MOK: variants seen among roughly 807,000 people sequenced by gnomAD.
MOK encodes the protein MAPK/MAK/MRK overlapping kinase.
MOK carries 59 observed loss-of-function variants against 54.2 expected under a neutral mutation model. The ratio of observed to expected loss-of-function variants is 1.09; its 90% CI spans 0.88 to 1.35. The LOEUF is 1.35. Ranked by LOEUF, MOK falls within the 40% of genes most tolerant of loss-of-function variation. MOK has a pLI of 0.00. For missense variants in MOK, 517 were observed against 526.2 expected (o/e 0.98, Z 0.17); for synonymous variants, 210 against 202.7 (o/e 1.04, Z -0.31).
At chr14:102,229,424 G>A in intron 11 of MOK, 33 bp downstream of exon 11, 1 of 1,614,100 alleles carries the variant, frequency 6.2e-7, no homozygotes, top group Non-Finnish European at 8.5e-7. Flanking sequence ...GGGTCGAAGA[G>A]CAGCGCCGTC....
chr14:102,297,198 G>A (rs1402086501), intron 1 of MOK, among the ~76,000 whole-genome samples: 2 of 151,378 alleles, frequency 1.3e-5, no homozygotes, highest in Non-Finnish European at 2.9e-5. Flanking sequence ...TCTACTAAAA[G>A]TATAAAAAAA....
At position 102,245,672 on chromosome 14, in the gene MOK, C is replaced by G. The variant is rs1461098394; in HGVS notation, c.590+5140G>C. The stretch of plus-strand genomic sequence containing the variant: ...ACCCCTATCTCCCTTCGATGATTCT[C>G]TTTTCGGACTCAGCCCGCCTGCACC... On this transcript the variant is annotated intron_variant, in intron 7 of 11. Transcript: ENST00000361847. The surrounding 1 kb of genome is among the most constrained non-coding windows in gnomAD (Gnocchi z 4.3). Among the ~76,000 whole-genome samples, 1 of 152,134 alleles carries G rather than the reference C, an allele frequency of 6.6e-6. No individual in the cohort carries two copies. The highest frequency in any genetic ancestry group is 1.5e-5 in the Non-Finnish European group (1 of 68,028).
intron 2 of MOK, among the ~76,000 whole-genome samples, chr14:102,275,959 A>G (rs1283862084): frequency 6.6e-6 from 1 of 152,220 alleles, no homozygotes; most frequent in South Asian, 2.1e-4. Flanking sequence ...TAAGGTCTAA[A>G]TTTTTAAAGG....
At position 102,231,687 on chromosome 14, in the gene MOK, G is replaced by A; in HGVS notation, c.981+20C>T. 1.2e-6 allele frequency: 2 copies of A among 1,602,894 alleles called. No homozygotes were observed. The highest frequency in any genetic ancestry group is 2.2e-5 in the East Asian group (1 of 44,666). Reference sequence around the variant, plus strand: ...TCCCGGCTGAGCTAGGCAGTCTCCGGCTCCGATTTCGCTTAGTACCTGCTT... The same window carrying A: ...TCCCGGCTGAGCTAGGCAGTCTCCGACTCCGATTTCGCTTAGTACCTGCTT... On this transcript the variant is annotated intron_variant, in intron 10 of 11. Transcript: ENST00000361847. The surrounding 1 kb of genome is among the most constrained non-coding windows in gnomAD (Gnocchi z 4.4).
intron 3 of MOK, among the ~76,000 whole-genome samples, chr14:102,264,819 T>C (rs1360725178): frequency 2.0e-5 from 3 of 152,224 alleles, no homozygotes; most frequent in African/African-American, 4.8e-5. Context: ...TGGCCGATCT[T>C]ACAGGCCAGG....
chr14:102,292,945 C>A (rs1324322979), intron 1 of MOK, among the ~76,000 whole-genome samples: 1 of 151,980 alleles, frequency 6.6e-6, no homozygotes, highest in Non-Finnish European at 1.5e-5. Flanking sequence ...ACCAGCCTGG[C>A]CAACATAATG....
chr14:102,232,429 A>C lies in MOK; in HGVS notation c.866+106T>G, dbSNP rs1486701981. ...CTTCAGGATAGAGAGCGCGATTCCC[A>C]AGAACCAGGGACCCTCCAGGGGGCA... On this transcript the variant is annotated intron_variant, in intron 9 of 11. Coordinates refer to ENST00000361847, the MANE Select transcript of MOK (RefSeq NM_014226.3). The surrounding 1 kb of genome is among the most constrained non-coding windows in gnomAD (Gnocchi z 5.1). 2 of 1,359,098 alleles carry C rather than the reference A, an allele frequency of 1.5e-6. No homozygotes were observed. Among genetic ancestry groups the C allele is most frequent in the Admixed American group, 2.3e-5 (1 of 44,370 alleles). The allele number at this position is 1,359,098 out of a possible 1,614,324, so 84.2% of individuals were successfully genotyped here. A position where few individuals can be genotyped will look rare whatever the true frequency, so the allele number is the denominator to read the frequency against.
chr14:102,224,098 G>A (rs181053931), downstream of MOK, among the ~76,000 whole-genome samples: 21 of 145,144 alleles, frequency 1.4e-4, no homozygotes, highest in East Asian at 3.8e-3. Context: ...CTGGAGTGCA[G>A]TGGCGCAATC....
chr14:102,274,242 C>A (rs1384294479), intron 2 of MOK, among the ~76,000 whole-genome samples: 1 of 148,332 alleles, frequency 6.7e-6, no homozygotes, highest in Non-Finnish European at 1.5e-5. Context: ...CAGGTGTGAG[C>A]CACCGTACCT....
intron 1 of MOK, among the ~76,000 whole-genome samples, chr14:102,296,472 T>C (rs1414637646): frequency 1.3e-5 from 2 of 152,126 alleles, no homozygotes; most frequent in African/African-American, 4.8e-5. Flanking sequence ...TGAATGTCCA[T>C]CTAAGACAAT....
chr14:102,233,506 C>T lies in MOK; in HGVS notation c.692+182G>A. 1.0e-5 allele frequency: 6 copies of T among 585,894 alleles called. No homozygotes were observed. The East Asian group carries it at 1.7e-4, about 17-fold the overall frequency. 36.3% of individuals were successfully genotyped at this position (585,894 alleles called of 1,614,324 possible). A position where few individuals can be genotyped will look rare whatever the true frequency, so the allele number is the denominator to read the frequency against. On this transcript the variant is annotated intron_variant, in intron 8 of 11. Transcript: ENST00000361847. ...TCAAGGAAGAGCTCACCTTTGAGAC[C>T]ACTTAAAGTGATGGGCTCTGTCTGA...
At chr14:102,301,212 A>G (rs1277155091) in intron 1 of MOK, among the ~76,000 whole-genome samples, 2 of 152,198 alleles carry the variant, frequency 1.3e-5, no homozygotes, top group Admixed American at 6.5e-5. Flanking sequence ...GAACCACAAG[A>G]AGGACTGTTG....
chr14:102,292,246 G>A (rs1271606522), intron 1 of MOK, among the ~76,000 whole-genome samples: 3 of 152,012 alleles, frequency 2.0e-5, no homozygotes, highest in African/African-American at 7.2e-5. Context: ...GGCTGAGGCG[G>A]GTGGATCACA....
intron 4 of MOK, among the ~76,000 whole-genome samples, chr14:102,252,985 C>T (rs2066647614): frequency 6.6e-6 from 1 of 152,210 alleles, no homozygotes; most frequent in Non-Finnish European, 1.5e-5. Context: ...ATGGTGGAGA[C>T]ACCGCAAGGG....
chr14:102,229,112 G>A lies in MOK; in HGVS notation c.*177C>T. 4.9e-6 allele frequency: 3 copies of A among 611,948 alleles called. No homozygotes were observed. Among genetic ancestry groups the A allele is most frequent in the Non-Finnish European group, 8.4e-6 (3 of 358,616 alleles). 37.9% of individuals were successfully genotyped at this position (611,948 alleles called of 1,614,324 possible). A position where few individuals can be genotyped will look rare whatever the true frequency, so the allele number is the denominator to read the frequency against. ...AGTATATTAGCCCAGAACATCCTAGGCAGCTGCGCGGGCCGCGGGTGCGGC... is the reference window on the plus strand; with the variant it reads ...AGTATATTAGCCCAGAACATCCTAGACAGCTGCGCGGGCCGCGGGTGCGGC... On this transcript the variant is annotated 3_prime_UTR_variant, in exon 12 of 12. Coordinates refer to ENST00000361847, the MANE Select transcript of MOK (RefSeq NM_014226.3).
chr14:102,297,990 C>G (rs61992539), intron 1 of MOK, among the ~76,000 whole-genome samples: 3 of 152,216 alleles, frequency 2.0e-5, no homozygotes, highest in Non-Finnish European at 2.9e-5. Flanking sequence ...TGGGCTCCTG[C>G]GCAGCCCAAG....
At chr14:102,277,039 G>T (rs1477715629) in intron 2 of MOK, among the ~76,000 whole-genome samples, 6 of 141,676 alleles carry the variant, frequency 4.2e-5, no homozygotes, top group African/African-American at 1.0e-4. Flanking sequence ...TTTTGTAGAG[G>T]AAAAAAAAAG....
intron 1 of MOK, among the ~76,000 whole-genome samples, chr14:102,301,914 T>G (rs2072244414): frequency 6.6e-6 from 1 of 152,164 alleles, no homozygotes; most frequent in Non-Finnish European, 1.5e-5. Flanking sequence ...TTTTGATTTT[T>G]TTTTTCTTGT....
intron 2 of MOK, among the ~76,000 whole-genome samples, chr14:102,282,381 T>C (rs1446898929): frequency 1.3e-5 from 2 of 152,056 alleles, no homozygotes; most frequent in African/African-American, 4.8e-5. Context: ...ATTAATTTAT[T>C]CACAGTTAGT....
Sources: gnomAD v4.1 joint callset for allele counts (sites outside exome capture counted in the v4.1 genomes callset) on GRCh38, gnomAD v4.1.1 for gene constraint, Gnocchi (gnomAD v3.1) non-coding constraint, MANE v1.5 for transcripts, NCBI Gene and HGNC (gene_info 2026-07-23, HGNC 2026-07-21) for gene names.